Variants in RAB3IP observed in about 807,000 individuals in gnomAD.
RAB3IP encodes rab-3A-interacting protein.
A neutral mutation model predicts 59.1 loss-of-function variants in RAB3IP; 36 were observed. The ratio of observed to expected loss-of-function variants is 0.61; its 90% CI spans 0.47 to 0.80. RAB3IP has a LOEUF of 0.80. Among genes scored for constraint, RAB3IP ranks in the 30% least tolerant of loss-of-function variants. The probability of loss-of-function intolerance (pLI) is 0.00; values close to 1 mark genes in which losing one functional copy is unlikely to be tolerated. For synonymous variants in RAB3IP, 207 were observed against 191.2 expected (o/e 1.08, Z -0.68); for missense variants, 511 against 536.0 (o/e 0.95, Z 0.46).
chr12:69,763,805 T>A (rs888049392), intron 3 of RAB3IP, among the ~76,000 whole-genome samples: 1 of 152,158 alleles, frequency 6.6e-6, no homozygotes, highest in African/African-American at 2.4e-5. Context: ...TTCCCATCTT[T>A]AGGTCCATGA....
chr12:69,808,027 T>G (rs1226292232), intron 8 of RAB3IP, among the ~76,000 whole-genome samples: 1 of 152,218 alleles, frequency 6.6e-6, no homozygotes, highest in Non-Finnish European at 1.5e-5. Flanking sequence ...TGTGGGCATT[T>G]AGTGCTATAA....
At chr12:69,738,618 ACGAAACAGAGCGCAGCTCCGGCTC>A (rs1886899930), upstream of RAB3IP, 3 of 127,524 alleles carry the variant, frequency 2.4e-5, no homozygotes. Context: ...CGCGGGCCCG[ACGAAACAGAGCGCAGCTCCGGCTC>A]GCGCTGGTTC....
chr12:69,813,477 A>G (rs1299135413), intron 10 of RAB3IP, among the ~76,000 whole-genome samples: 1 of 152,194 alleles, frequency 6.6e-6, no homozygotes, highest in Non-Finnish European at 1.5e-5. Context: ...TTGCGTGTGA[A>G]TTAATAAAGC....
At chr12:69,813,697 T>TA (rs879740153) in intron 10 of RAB3IP, among the ~76,000 whole-genome samples, 45 of 147,974 alleles carry the variant, frequency 3.0e-4, no homozygotes, top group East Asian at 1.2e-3. Context: ...AATGATAGTT[T>TA]AAAAAAAAAA....
intron 3 of RAB3IP, among the ~76,000 whole-genome samples, chr12:69,767,367 AATG>A (rs2136162983): frequency 6.6e-6 from 1 of 152,292 alleles, no homozygotes; most frequent in South Asian, 2.1e-4. Flanking sequence ...ATACTTGTTT[AATG>A]GTAGAAACTC....
chr12:69,808,822 C>T (rs1164120051), intron 8 of RAB3IP, among the ~76,000 whole-genome samples: 1 of 152,132 alleles, frequency 6.6e-6, no homozygotes, highest in Non-Finnish European at 1.5e-5. Context: ...TTCCTGAATA[C>T]AGCATACTGA....
chr12:69,778,425 A>G (rs1178390894), intron 3 of RAB3IP, among the ~76,000 whole-genome samples: 4 of 136,100 alleles, frequency 2.9e-5, no homozygotes, highest in East Asian at 2.2e-4. Flanking sequence ...CGTCAAAATC[A>G]TTCTCCATCC....
chr12:69,749,389 C>T (rs1868865862), intron 1 of RAB3IP, among the ~76,000 whole-genome samples: 1 of 152,192 alleles, frequency 6.6e-6, no homozygotes, highest in Non-Finnish European at 1.5e-5. Flanking sequence ...AATTGTCTTC[C>T]ACGAAACTGG....
At chr12:69,756,347 G>C (rs1870207042) in intron 2 of RAB3IP, 58 bp from the exon 3 acceptor site, 9 of 1,568,460 alleles carry the variant, frequency 5.7e-6, no homozygotes, top group Middle Eastern at 1.7e-4. Context: ...GTGTGTTTAA[G>C]CCAGTTCTAT....
chr12:69,762,745 A>T (rs1380366398), intron 3 of RAB3IP, among the ~76,000 whole-genome samples: 1 of 112,310 alleles, frequency 8.9e-6, no homozygotes, highest in African/African-American at 3.5e-5. Flanking sequence ...CAACAGAGGG[A>T]GACTCCGTCT....
intron 4 of RAB3IP, among the ~76,000 whole-genome samples, chr12:69,790,943 G>A (rs533979419): frequency 1.3e-5 from 2 of 152,216 alleles, no homozygotes; most frequent in African/African-American, 4.8e-5. Context: ...TGATTTCAAA[G>A]TACATGACAA....
At chr12:69,779,071 C>A (rs1035019021) in intron 3 of RAB3IP, 1 of 98,676 alleles carries the variant, frequency 1.0e-5, no homozygotes, top group Non-Finnish European at 2.0e-5. Flanking sequence ...AGCGAGATTC[C>A]GTGGGCGTAG....
At chr12:69,740,407 T>C (rs996073658) in intron 1 of RAB3IP, among the ~76,000 whole-genome samples, 1 of 152,232 alleles carries the variant, frequency 6.6e-6, no homozygotes, top group African/African-American at 2.4e-5. Context: ...CTTGTGGAAT[T>C]TATAGAAATA....
chr12:69,767,495 C>G (rs548334200), intron 3 of RAB3IP, among the ~76,000 whole-genome samples: 2 of 152,252 alleles, frequency 1.3e-5, no homozygotes, highest in Non-Finnish European at 2.9e-5. Context: ...AGCACAAACA[C>G]CAGTGCTGAC....
At chr12:69,786,455 G>A (rs891596751) in intron 4 of RAB3IP, among the ~76,000 whole-genome samples, 1 of 152,120 alleles carries the variant, frequency 6.6e-6, no homozygotes, top group African/African-American at 2.4e-5. Context: ...ATAAATTTAA[G>A]GATAGGAAGA....
At chr12:69,771,331 G>A (rs1873074674) in intron 3 of RAB3IP, among the ~76,000 whole-genome samples, 1 of 152,150 alleles carries the variant, frequency 6.6e-6, no homozygotes, top group Non-Finnish European at 1.5e-5. Context: ...AGGCCTTCAA[G>A]ACCAGCCTAG....
chr12:69,792,143 CAG>C (rs1378295724), intron 4 of RAB3IP, among the ~76,000 whole-genome samples: 1 of 152,072 alleles, frequency 6.6e-6, no homozygotes, highest in African/African-American at 2.4e-5. Flanking sequence ...TGGTGGTTGT[CAG>C]GGGCTGGAAA....
At chr12:69,760,580 A>G (rs1215938273) in intron 3 of RAB3IP, among the ~76,000 whole-genome samples, 1 of 150,946 alleles carries the variant, frequency 6.6e-6, no homozygotes, top group Non-Finnish European at 1.5e-5. Flanking sequence ...ATCCTTTTAC[A>G]TTTTTGTTGT....
At chr12:69,767,720 C>T in intron 3 of RAB3IP, among the ~76,000 whole-genome samples, 1 of 152,120 alleles carries the variant, frequency 6.6e-6, no homozygotes, top group South Asian at 2.1e-4. Context: ...AGTGAGGCAA[C>T]TCAGGCTGCC....
Sources: allele counts gnomAD v4.1 joint callset (sites outside exome capture counted in the v4.1 genomes callset), GRCh38; gene constraint gnomAD v4.1.1; transcripts MANE v1.5; gene names NCBI Gene and HGNC (gene_info 2026-07-23, HGNC 2026-07-21).